MSMO1: variants seen among roughly 807,000 people sequenced by gnomAD.
MSMO1 encodes C-4 methylsterol oxidase.
Under a neutral mutation model 30.4 loss-of-function variants are expected in MSMO1, and 18 were observed. The observed-to-expected ratio is 0.59, with a 90% CI of 0.41 to 0.88. MSMO1 has a LOEUF of 0.88. Ranked by LOEUF, MSMO1 falls within the 40% of genes least tolerant of loss-of-function variation. The pLI is 0.00. For synonymous variants in MSMO1, 84 were observed against 107.9 expected (o/e 0.78, Z 1.37); for missense variants, 284 against 340.5 (o/e 0.83, Z 1.31).
intron 2 of MSMO1, 22 bp downstream of exon 2, chr4:165,333,647 T>A: frequency 6.5e-7 from 1 of 1,550,174 alleles, no homozygotes; most frequent in Admixed American, 1.9e-5. Context: ...GGACTAGAAA[T>A]AGAATATTAT....
intron 2 of MSMO1, among the ~76,000 whole-genome samples, chr4:165,336,733 C>G (rs1002455596): frequency 6.6e-6 from 1 of 152,206 alleles, no homozygotes; most frequent in Non-Finnish European, 1.5e-5. Flanking sequence ...TTGTAAACAT[C>G]ACAAGAGCTA....
intron 1 of MSMO1, among the ~76,000 whole-genome samples, chr4:165,328,280 C>T (rs1277583716): frequency 2.6e-5 from 4 of 152,114 alleles, no homozygotes; most frequent in Non-Finnish European, 5.9e-5. Context: ...CATGAGTGAT[C>T]AGATACTGCA....
intron 2 of MSMO1, among the ~76,000 whole-genome samples, chr4:165,337,173 A>G (rs1369847140): frequency 6.6e-6 from 1 of 152,214 alleles, no homozygotes; most frequent in African/African-American, 2.4e-5. Flanking sequence ...TGTTTTTTAT[A>G]ATGACTTGCT....
chr4:165,340,517 A>T (rs1747688067), intron 5 of MSMO1, 142 bp downstream of exon 5: 1 of 738,600 alleles, frequency 1.4e-6, no homozygotes, highest in Non-Finnish European at 2.2e-6. Context: ...ACTGTTGGAT[A>T]AAAGTTTAAA....
chr4:165,334,263 T>C (rs1295811503), intron 2 of MSMO1, among the ~76,000 whole-genome samples: 2 of 152,224 alleles, frequency 1.3e-5, no homozygotes, highest in Non-Finnish European at 2.9e-5. Flanking sequence ...TACTAGTTGC[T>C]CCTGAATTGA....
chr4:165,341,887 G>A lies in MSMO1; in HGVS notation c.823G>A (p.Asp275Asn), dbSNP rs749159227. The change falls in exon 6 of 6, where the codon GAC becomes AAC. Residue 275 changes from aspartate to asparagine, a missense_variant. Transcript: ENST00000261507. ...FTWWDRIFGT[D>N]SQYNAYNEKR... ...ATGGTGGGATCGAATTTTTGGAACA[G>A]ACTCTCAGTATAATGCCTATAATGA... The A allele has an allele frequency of 1.9e-6, 3 of 1,613,418 alleles. No individual in the cohort carries two copies. The highest frequency in any genetic ancestry group is 3.3e-5 in the Admixed American group (2 of 60,006).
chr4:165,327,951 G>C (rs1747284526), intron 1 of MSMO1, 187 bp downstream of exon 1: 1 of 152,354 alleles, frequency 6.6e-6, no homozygotes, highest in South Asian at 2.1e-4. Context: ...GCTAAGGTAC[G>C]TGCTAGAAAG....
intron 2 of MSMO1, among the ~76,000 whole-genome samples, chr4:165,334,348 G>A (rs1560848100): frequency 6.6e-6 from 1 of 152,106 alleles, no homozygotes. Context: ...TAGATGTGAT[G>A]GTTATCTAAC....
intron 4 of MSMO1, among the ~76,000 whole-genome samples, chr4:165,339,405 A>G (rs1329195593): frequency 6.6e-6 from 1 of 152,124 alleles, no homozygotes; most frequent in Admixed American, 6.6e-5. Flanking sequence ...TGCCCGGCCA[A>G]TTAGAATTGC....
chr4:165,328,466 G>A (rs1366792260), intron 1 of MSMO1, among the ~76,000 whole-genome samples: 2 of 152,148 alleles, frequency 1.3e-5, no homozygotes, highest in African/African-American at 4.8e-5. Flanking sequence ...TATAGATCGT[G>A]GCATTGCATC....
chr4:165,332,433 C>A lies in MSMO1; in HGVS notation c.-31-907C>A, dbSNP rs141467969. ...TTGTGTTTTGCTTTTATTTTTTCCTCTTTGTTTTTGCTGCTACAAGCAATG... is the reference window on the plus strand; with the variant it reads ...TTGTGTTTTGCTTTTATTTTTTCCTATTTGTTTTTGCTGCTACAAGCAATG... On this transcript the variant is annotated intron_variant, in intron 1 of 5. Coordinates refer to ENST00000261507, the MANE Select transcript of MSMO1 (RefSeq NM_006745.5). Among the ~76,000 whole-genome samples, 1,422 of 152,262 alleles carry A rather than the reference C, an allele frequency of 9.3e-3. 14 individuals are homozygous for A. The highest frequency in any genetic ancestry group is 0.024 in the South Asian group (117 of 4,828).
chr4:165,338,615 A>G, intron 3 of MSMO1, 37 bp from the exon 4 acceptor site: 6 of 1,576,472 alleles, frequency 3.8e-6, no homozygotes, highest in Non-Finnish European at 5.2e-6. Flanking sequence ...TTAAGTAAAA[A>G]TTATTTCTTA....
At chr4:165,334,294 T>A (rs1747482068) in intron 2 of MSMO1, among the ~76,000 whole-genome samples, 1 of 152,228 alleles carries the variant, frequency 6.6e-6, no homozygotes, top group Admixed American at 6.5e-5. Context: ...CCTAGGTCAT[T>A]ATTGATAACA....
In MSMO1 at chr4:165,341,837, T is replaced by C. The variant is rs758611793; in HGVS notation, c.773T>C (p.Ile258Thr). 9.9e-6 allele frequency: 16 copies of C among 1,613,336 alleles called. No individual in the cohort carries two copies. The highest frequency in any genetic ancestry group is 1.7e-5 in the Admixed American group (1 of 60,006). ...CATGATTTCCACCACATGAACTTCA[T>C]TGGAAACTATGCTTCAACATTTACA... ...RHHDFHHMNF[I>T]GNYASTFTWW... is the part of the protein sequence containing the mutation. Residue 258 changes from isoleucine to threonine, a missense_variant, in exon 6 of 6, where the codon ATT becomes ACT. Coordinates refer to ENST00000261507, the MANE Select transcript of MSMO1 (RefSeq NM_006745.5).
At chr4:165,333,648 A>G in intron 2 of MSMO1, 23 bp downstream of exon 2, 1 of 1,550,622 alleles carries the variant, frequency 6.4e-7, no homozygotes, top group Non-Finnish European at 8.8e-7. Flanking sequence ...GACTAGAAAT[A>G]GAATATTATC....
At chr4:165,336,656 T>A (rs1044075922) in intron 2 of MSMO1, among the ~76,000 whole-genome samples, 1 of 152,176 alleles carries the variant, frequency 6.6e-6, no homozygotes. Context: ...TGGGGTTAGA[T>A]AATGCTCAGA....
rs942443394 is a variant in MSMO1 at position 165,329,663 on chromosome 4, C to T, written c.-32+1899C>T. Among the ~76,000 whole-genome samples, 6 of 95,808 alleles carry T rather than the reference C, an allele frequency of 6.3e-5. No homozygotes were observed. The East Asian group carries it at 1.9e-3, about 31-fold the overall frequency. 62.9% of individuals were successfully genotyped at this position (95,808 alleles called of 152,430 possible). A position where few individuals can be genotyped will look rare whatever the true frequency, so the allele number is the denominator to read the frequency against. ...TTTTTTTTTTTTTTTGAGACGGAGT[C>T]TCACTCTGTCGCCCAGGCTGGAATG... On this transcript the variant is annotated intron_variant, in intron 1 of 5. Transcript: ENST00000261507.
rs1396347301 is a variant in MSMO1 at position 165,342,523 on chromosome 4, A to G, written c.*577A>G. On this transcript the variant is annotated 3_prime_UTR_variant, in exon 6 of 6. Transcript: ENST00000261507. ...CAGGCACCCGCCACCACGCCCAGCT[A>G]ATTTTTGTATTTTTGTAGAGATGGG... 1 of 152,386 alleles carries G rather than the reference A, an allele frequency of 6.6e-6. No homozygotes were observed. The highest frequency in any genetic ancestry group is 1.5e-5 in the Non-Finnish European group (1 of 68,312). 9.4% of individuals were successfully genotyped at this position (152,386 alleles called of 1,614,324 possible).
At chr4:165,341,662 T>G in intron 5 of MSMO1, 89 bp from the exon 6 acceptor site, 1 of 1,198,140 alleles carries the variant, frequency 8.3e-7, no homozygotes, top group Non-Finnish European at 1.2e-6. Context: ...TTATCTAAAT[T>G]GGTTAATGTG....
Sources: allele counts gnomAD v4.1 joint callset (sites outside exome capture counted in the v4.1 genomes callset), GRCh38; gene constraint gnomAD v4.1.1; transcripts MANE v1.5; gene names NCBI Gene and HGNC (gene_info 2026-07-23, HGNC 2026-07-21).